The following GALNT14 variants were observed in gnomAD, a reference collection of about 807,000 sequenced individuals.
The protein encoded by GALNT14 is UDP-GalNAc:polypeptide N-acetylgalactosaminyltransferase 14.
GALNT14 carries 60 observed loss-of-function variants against 77.5 expected under a neutral mutation model. The ratio of observed to expected loss-of-function variants is 0.77; its 90% CI spans 0.63 to 0.96. The LOEUF is 0.96. GALNT14 is among the 40% of genes least tolerant of loss of function. The pLI, the probability that GALNT14 is intolerant of heterozygous loss-of-function variation, is 0.00. For synonymous variants in GALNT14, 280 were observed against 281.7 expected (o/e 0.99, Z 0.06); for missense variants, 710 against 731.0 (o/e 0.97, Z 0.33).
chr2:31,066,302 TA>T (rs1416706531), intron 1 of GALNT14, among the ~76,000 whole-genome samples: 5 of 151,312 alleles, frequency 3.3e-5, no homozygotes, highest in African/African-American at 1.2e-4. Context: ...CTCCCAGCTG[TA>T]GAGCACCCAG....
chr2:30,996,507 G>C (rs949369934), intron 1 of GALNT14, among the ~76,000 whole-genome samples: 1 of 152,190 alleles, frequency 6.6e-6, no homozygotes, highest in Non-Finnish European at 1.5e-5. Context: ...GGGCAGGCAC[G>C]CATGACGACA....
At chr2:30,974,264 T>G (rs1668516307) in intron 2 of GALNT14, among the ~76,000 whole-genome samples, 1 of 152,228 alleles carries the variant, frequency 6.6e-6, no homozygotes, top group Non-Finnish European at 1.5e-5. Context: ...CTTCTTTATC[T>G]CTCCATCTGG....
chr2:31,125,893 G>C (rs1368088879), intron 1 of GALNT14, among the ~76,000 whole-genome samples: 1 of 152,168 alleles, frequency 6.6e-6, no homozygotes, highest in Non-Finnish European at 1.5e-5. Flanking sequence ...GATGGCCTTT[G>C]TATTTTCAGC....
chr2:30,990,462 G>T (rs535570818), intron 2 of GALNT14, among the ~76,000 whole-genome samples: 2 of 147,102 alleles, frequency 1.4e-5, no homozygotes, highest in Non-Finnish European at 3.0e-5. Context: ...GTTTCCCTGA[G>T]AACTAAGAGC....
intron 1 of GALNT14, among the ~76,000 whole-genome samples, chr2:31,072,154 G>A (rs533800024): frequency 6.6e-6 from 1 of 152,192 alleles, no homozygotes; most frequent in East Asian, 1.9e-4. Flanking sequence ...TCTTCCCTCT[G>A]CTGTGGGGTG....
At chr2:31,058,399 G>T (rs547881225) in intron 1 of GALNT14, among the ~76,000 whole-genome samples, 1 of 151,952 alleles carries the variant, frequency 6.6e-6, no homozygotes, top group South Asian at 2.1e-4. Context: ...TTCATTGCAG[G>T]CAGGTGCTGG....
intron 1 of GALNT14, among the ~76,000 whole-genome samples, chr2:31,114,080 C>G (rs115076427): frequency 0.04 from 6,128 of 152,280 alleles, 162 homozygotes; most frequent in African/African-American, 0.067. Context: ...CTTAAAAACT[C>G]TTAGTCTGTA....
intron 2 of GALNT14, among the ~76,000 whole-genome samples, chr2:30,989,548 T>C (rs921665753): frequency 2.1e-5 from 2 of 96,506 alleles, no homozygotes; most frequent in Non-Finnish European, 4.1e-5. Flanking sequence ...TACTATTAGG[T>C]AGGTAAATAC....
intron 1 of GALNT14, among the ~76,000 whole-genome samples, chr2:31,107,925 CT>C (rs1252098278): frequency 6.6e-6 from 1 of 152,142 alleles, no homozygotes; most frequent in East Asian, 1.9e-4. Context: ...ACAGCTGATT[CT>C]TTAGGACTAG....
intron 6 of GALNT14, among the ~76,000 whole-genome samples, chr2:30,952,048 C>T (rs1186787735): frequency 6.6e-6 from 1 of 152,200 alleles, no homozygotes; most frequent in East Asian, 1.9e-4. Context: ...TGCAAGCGTA[C>T]ACTACAACGC....
chr2:31,014,918 G>A (rs574574808), intron 1 of GALNT14, among the ~76,000 whole-genome samples: 1 of 152,294 alleles, frequency 6.6e-6, no homozygotes, highest in Admixed American at 6.5e-5. Flanking sequence ...ATTAGCAGGT[G>A]AGGGAATGCA....
At chr2:30,935,031 C>T (rs145723210) in intron 9 of GALNT14, among the ~76,000 whole-genome samples, 122 of 152,308 alleles carry the variant, frequency 8.0e-4, no homozygotes, top group African/African-American at 2.8e-3. Flanking sequence ...TGCCTTAGTA[C>T]AAAAATTGAG....
At chr2:31,058,337 G>T (rs562111592) in intron 1 of GALNT14, among the ~76,000 whole-genome samples, 11 of 152,196 alleles carry the variant, frequency 7.2e-5, no homozygotes, top group African/African-American at 2.6e-4. Context: ...GGGACAGTGT[G>T]CGTCAAGCGG....
intron 1 of GALNT14, among the ~76,000 whole-genome samples, chr2:30,996,329 T>C (rs1670028367): frequency 6.6e-6 from 1 of 152,220 alleles, no homozygotes; most frequent in African/African-American, 2.4e-5. Flanking sequence ...CAGAATGTAG[T>C]TGAGTCTGCC....
chr2:31,059,507 G>A lies in GALNT14; in HGVS notation c.130-66500C>T, dbSNP rs564148675. On this transcript the variant is annotated intron_variant, in intron 1 of 14. Coordinates refer to ENST00000349752, the MANE Select transcript of GALNT14 (RefSeq NM_024572.4). The stretch of plus-strand genomic sequence containing the variant: ...CGAGGAGGTGGGGCCTTAGGTCATG[G>A]GGGAGGAACCTTATGAATGAGATTA... Among the ~76,000 whole-genome samples, 10 of 152,234 alleles carry A rather than the reference G, an allele frequency of 6.6e-5. No individual in the cohort carries two copies. The South Asian group carries it at 1.5e-3, about 22-fold the overall frequency.
intron 1 of GALNT14, among the ~76,000 whole-genome samples, chr2:31,015,216 T>A (rs1415912724): frequency 6.7e-6 from 1 of 149,696 alleles, no homozygotes; most frequent in Non-Finnish European, 1.5e-5. Flanking sequence ...CGCTTGAACC[T>A]GGGAGGCTGA....
At chr2:31,108,596 T>C (rs1677679126) in intron 1 of GALNT14, among the ~76,000 whole-genome samples, 1 of 152,250 alleles carries the variant, frequency 6.6e-6, no homozygotes, top group Non-Finnish European at 1.5e-5. Flanking sequence ...GTTGGAGCAT[T>C]GGGCATTCGG....
chr2:30,961,615 C>T (rs867679088), intron 3 of GALNT14, among the ~76,000 whole-genome samples: 1 of 152,096 alleles, frequency 6.6e-6, no homozygotes, highest in African/African-American at 2.4e-5. Flanking sequence ...AGCAGCATCA[C>T]CGTCACCTAG....
intron 10 of GALNT14, among the ~76,000 whole-genome samples, chr2:30,930,058 G>T (rs1366237722): frequency 6.6e-6 from 1 of 152,090 alleles, no homozygotes; most frequent in African/African-American, 2.4e-5. Context: ...TTTGGATTAG[G>T]GATGCTCACC....
Sources: gnomAD v4.1 joint callset for allele counts (sites outside exome capture counted in the v4.1 genomes callset) on GRCh38, gnomAD v4.1.1 for gene constraint, MANE v1.5 for transcripts, NCBI Gene and HGNC (gene_info 2026-07-23, HGNC 2026-07-21) for gene names.